Variants in FGF12 observed in about 807,000 individuals in gnomAD.
FGF12 encodes fibroblast growth factor 12.
In FGF12, 14 loss-of-function variants were observed where a neutral mutation model predicts 23.6. The ratio of observed to expected loss-of-function variants is 0.59; its 90% CI spans 0.39 to 0.93. The LOEUF is 0.93. FGF12 is among the 40% of genes least tolerant of loss of function. The probability of loss-of-function intolerance (pLI) is 0.00; values close to 1 mark genes in which losing one functional copy is unlikely to be tolerated. For missense variants in FGF12, 175 were observed against 217.8 expected (o/e 0.80, Z 1.24); for synonymous variants, 62 against 77.3 (o/e 0.80, Z 1.04).
intron 2 of FGF12, among the ~76,000 whole-genome samples, chr3:192,505,087 T>C (rs1476793152): frequency 6.6e-6 from 1 of 152,208 alleles, no homozygotes; most frequent in Non-Finnish European, 1.5e-5. Context: ...ACCTGTAATG[T>C]CATTCCATAA....
chr3:192,254,411 T>A (rs1712241022), intron 4 of FGF12, among the ~76,000 whole-genome samples: 1 of 151,938 alleles, frequency 6.6e-6, no homozygotes, highest in Non-Finnish European at 1.5e-5. Flanking sequence ...TTTCTGTTTC[T>A]ATTCATGTTG....
chr3:192,352,036 AT>A (rs1288181338), intron 3 of FGF12, among the ~76,000 whole-genome samples: 10 of 143,272 alleles, frequency 7.0e-5, no homozygotes, highest in Admixed American at 3.7e-4. Flanking sequence ...TATTTTTCAT[AT>A]TTTTTTCTTT....
At chr3:192,526,258 C>CATAT in intron 2 of FGF12, among the ~76,000 whole-genome samples, 1 of 152,280 alleles carries the variant, frequency 6.6e-6, no homozygotes, top group Non-Finnish European at 1.5e-5. Flanking sequence ...CTTACCTGCG[C>CATAT]ATATTTCTTA....
chr3:192,150,972 T>C (rs1714021823), intron 5 of FGF12, among the ~76,000 whole-genome samples: 1 of 146,628 alleles, frequency 6.8e-6, no homozygotes, highest in South Asian at 2.2e-4. Context: ...TCCATTTGTT[T>C]GTATCCTCTT....
chr3:192,320,120 A>C (rs1046713529), intron 4 of FGF12, among the ~76,000 whole-genome samples: 5 of 152,232 alleles, frequency 3.3e-5, no homozygotes, highest in African/African-American at 1.2e-4. Flanking sequence ...CTTTACCTAG[A>C]AAGACACACA....
chr3:192,536,062 C>T (rs556119127), intron 2 of FGF12, among the ~76,000 whole-genome samples: 29 of 152,232 alleles, frequency 1.9e-4, no homozygotes, highest in Non-Finnish European at 4.0e-4. Context: ...ATTCTATTTA[C>T]TTTTTTACAT....
At chr3:192,380,199 T>G (rs760883185) in intron 2 of FGF12, among the ~76,000 whole-genome samples, 43 of 152,204 alleles carry the variant, frequency 2.8e-4, no homozygotes, top group Non-Finnish European at 6.0e-4. Context: ...TGTCCAAGTT[T>G]CCCTTCCTTG....
intron 4 of FGF12, among the ~76,000 whole-genome samples, chr3:192,201,687 T>C (rs1176610982): frequency 6.6e-6 from 1 of 152,200 alleles, no homozygotes; most frequent in Non-Finnish European, 1.5e-5. Flanking sequence ...TAAAATCATG[T>C]TTACACTTTT....
At chr3:192,158,413 T>TTC (rs1385431512) in intron 5 of FGF12, among the ~76,000 whole-genome samples, 97 of 6,998 alleles carry the variant, frequency 0.014, no homozygotes, top group African/African-American at 0.031. Context: ...TTTTCTTTCT[T>TTC]TCTCTTTCTT....
At chr3:192,713,072 C>A (rs907876921) in intron 2 of FGF12, among the ~76,000 whole-genome samples, 4 of 151,774 alleles carry the variant, frequency 2.6e-5, no homozygotes, top group African/African-American at 9.7e-5. Context: ...CAGTTATCAA[C>A]CACAGAAAAA....
At chr3:192,566,890 G>C (rs780990899) in intron 2 of FGF12, among the ~76,000 whole-genome samples, 7 of 152,170 alleles carry the variant, frequency 4.6e-5, no homozygotes, top group Admixed American at 1.3e-4. Flanking sequence ...GCAAAGTATA[G>C]GGTACAAGCA....
chr3:192,670,919 AT>A (rs1717090254), intron 2 of FGF12, among the ~76,000 whole-genome samples: 1 of 152,216 alleles, frequency 6.6e-6, no homozygotes, highest in South Asian at 2.1e-4. Context: ...TACAGTGAAG[AT>A]AGATAAAATG....
At chr3:192,547,580 T>C (rs1725527028) in intron 2 of FGF12, among the ~76,000 whole-genome samples, 1 of 152,206 alleles carries the variant, frequency 6.6e-6, no homozygotes. Context: ...TCAATATGTA[T>C]ACAAATTATA....
intron 2 of FGF12, among the ~76,000 whole-genome samples, chr3:192,616,738 C>T (rs953330743): frequency 6.6e-6 from 1 of 151,960 alleles, no homozygotes; most frequent in African/African-American, 2.4e-5. Flanking sequence ...GCATTATGTA[C>T]ACCCTCATGT....
intron 2 of FGF12, among the ~76,000 whole-genome samples, chr3:192,544,387 G>A (rs1297513178): frequency 1.3e-5 from 2 of 152,132 alleles, no homozygotes; most frequent in Non-Finnish European, 2.9e-5. Context: ...GTGCTTTTTT[G>A]TGTGGATAGT....
chr3:192,378,105 C>CTTTCTTT (rs61011861), intron 2 of FGF12, among the ~76,000 whole-genome samples: 3 of 91,988 alleles, frequency 3.3e-5, no homozygotes, highest in Non-Finnish European at 6.4e-5. Context: ...TTCTTTCTTT[C>CTTTCTTT]CTTCTTTCTC....
chr3:192,646,885 G>A (rs1326036679), intron 2 of FGF12, among the ~76,000 whole-genome samples: 1 of 151,952 alleles, frequency 6.6e-6, no homozygotes, highest in Non-Finnish European at 1.5e-5. Context: ...CATCAATAAA[G>A]TTTTTTTTAA....
chr3:192,194,149 T>C (rs932913356), intron 4 of FGF12, among the ~76,000 whole-genome samples: 17 of 152,238 alleles, frequency 1.1e-4, no homozygotes, highest in African/African-American at 3.9e-4. Context: ...AGCTGATTTA[T>C]ATAAAGCAGA....
intron 4 of FGF12, among the ~76,000 whole-genome samples, chr3:192,250,762 T>A (rs1000393849): frequency 6.6e-6 from 1 of 152,108 alleles, no homozygotes; most frequent in Non-Finnish European, 1.5e-5. Flanking sequence ...CAATACATTA[T>A]GGGGCAAATA....
Sources: allele counts gnomAD v4.1 joint callset (sites outside exome capture counted in the v4.1 genomes callset), GRCh38; gene constraint gnomAD v4.1.1; transcripts MANE v1.5; gene names NCBI Gene and HGNC (gene_info 2026-07-23, HGNC 2026-07-21).